Variants in BAG3 observed in about 807,000 individuals in gnomAD.
The protein encoded by BAG3 is BAG family molecular chaperone regulator 3.
In BAG3, 14 loss-of-function variants were observed where a neutral mutation model predicts 40.5. That is an observed-to-expected ratio of 0.35 (90% CI 0.23 to 0.54). The LOEUF is 0.54. BAG3 is among the 20% of genes least tolerant of loss of function. The pLI, the probability that BAG3 is intolerant of heterozygous loss-of-function variation, is 0.91. For missense variants in BAG3, 788 were observed against 758.6 expected (o/e 1.04, Z -0.46); for synonymous variants, 302 against 307.8 (o/e 0.98, Z 0.20).
intron 1 of BAG3, among the ~76,000 whole-genome samples, chr10:119,652,360 C>T (rs1045917383): frequency 1.3e-5 from 2 of 152,244 alleles, no homozygotes; most frequent in Admixed American, 6.5e-5. Flanking sequence ...CGCTCAAGTT[C>T]TCCAACTTGG....
chr10:119,658,068 A>G (rs1004101864), intron 1 of BAG3, among the ~76,000 whole-genome samples: 1 of 152,260 alleles, frequency 6.6e-6, no homozygotes, highest in African/African-American at 2.4e-5. Context: ...AAAATTCCTT[A>G]GCATTCAATT....
rs764432849 is a variant in BAG3, at chr10:119,676,612, A to C, written c.1058A>C (p.Gln353Pro). Residue 353 changes from glutamine to proline, a missense_variant, in exon 4 of 4, where the codon CAG becomes CCG. Transcript: ENST00000369085. The part of the protein sequence containing the change: ...RKEVDSKPVS[Q>P]KPPPPSEKVE... ...GAGGTGGATTCTAAACCTGTTTCCC[A>C]GAAGCCCCCACCTCCCTCTGAGAAG... 7.4e-6 allele frequency: 12 copies of C among 1,614,142 alleles called. 1 individual carries two copies. In the South Asian group the frequency reaches 1.3e-4, roughly 18 times the overall value.
At chr10:119,662,226 GTT>G (rs869230141) in intron 1 of BAG3, among the ~76,000 whole-genome samples, 1 of 84,058 alleles carries the variant, frequency 1.2e-5, no homozygotes. Context: ...TTTTTTTTTT[GTT>G]TTTTTTTTTT....
intron 1 of BAG3, among the ~76,000 whole-genome samples, chr10:119,661,272 A>G (rs974256985): frequency 1.3e-5 from 2 of 152,182 alleles, no homozygotes; most frequent in Non-Finnish European, 2.9e-5. Context: ...AAAAAAAGAA[A>G]GAAAGAAAGA....
intron 2 of BAG3, among the ~76,000 whole-genome samples, chr10:119,670,629 G>A (rs1367836003): frequency 2.0e-5 from 3 of 152,110 alleles, no homozygotes; most frequent in African/African-American, 4.8e-5. Flanking sequence ...AATCTTAACC[G>A]CTTGTGGAGC....
intron 1 of BAG3, among the ~76,000 whole-genome samples, chr10:119,658,332 T>C (rs950905735): frequency 6.6e-6 from 1 of 152,240 alleles, no homozygotes; most frequent in Admixed American, 6.5e-5. Context: ...TTAGCACTCC[T>C]TCCTGGGTTG....
intron 1 of BAG3, among the ~76,000 whole-genome samples, chr10:119,667,224 G>C (rs575951027): frequency 2.0e-5 from 3 of 152,176 alleles, no homozygotes; most frequent in Non-Finnish European, 4.4e-5. Flanking sequence ...TGATCTGCCC[G>C]CCTTAGCCTC....
rs778320288 is a variant in BAG3, at chr10:119,671,495, C to T, written c.508-760C>T. Among the ~76,000 whole-genome samples, 3 of 152,118 alleles carry T rather than the reference C, an allele frequency of 2.0e-5. No homozygotes were observed. In the East Asian group the frequency reaches 5.8e-4, roughly 29 times the overall value. ...GGTGCTTGACCTGCCTTGGGCCACA[C>T]GGGATGCTGGCAGCTCCCAGTTGCT... On this transcript the variant is annotated intron_variant, in intron 2 of 3. Coordinates refer to ENST00000369085, the MANE Select transcript of BAG3 (RefSeq NM_004281.4).
At chr10:119,671,729 G>C (rs749893887) in intron 2 of BAG3, among the ~76,000 whole-genome samples, 1 of 152,142 alleles carries the variant, frequency 6.6e-6, no homozygotes, top group Non-Finnish European at 1.5e-5. Context: ...TTGAACATAG[G>C]CCCCTTGATT....
At position 119,677,315 on chromosome 10, in the gene BAG3, A is replaced by T. The variant is rs761381704; in HGVS notation, c.*33A>T. On this transcript the variant is annotated 3_prime_UTR_variant, in exon 4 of 4. Coordinates refer to ENST00000369085, the MANE Select transcript of BAG3 (RefSeq NM_004281.4). ...CCTGTAAAAATCAGACTCGGAACCG[A>T]TGTGTGCTTTAGGGAATTTTAAGTT... is the stretch of plus-strand genomic sequence containing the variant. The T allele has an allele frequency of 1.2e-6, 2 of 1,611,970 alleles. No individual in the cohort carries two copies. Among genetic ancestry groups the T allele is most frequent in the Non-Finnish European group, 1.7e-6 (2 of 1,179,188 alleles).
chr10:119,676,478 T>C lies in BAG3; in HGVS notation c.924T>C (p.His308=). The change falls in exon 4 of 4, where the codon CAT becomes CAC. Residue 308 remains histidine (H), a synonymous_variant. Transcript: ENST00000369085. ...VVDRPQQPMT[H]RETAPVSQPE... The stretch of plus-strand genomic sequence containing the variant: ...CCTTTTTTCAGCAGCCCATGACCCA[T>C]CGAGAAACTGCACCTGTTTCCCAGC... 1 of 1,613,994 alleles carries C rather than the reference T, an allele frequency of 6.2e-7. No individual in the cohort carries two copies. The highest frequency in any genetic ancestry group is 8.5e-7 in the Non-Finnish European group (1 of 1,180,002).
At chr10:119,670,253 G>A (rs1223788361) in intron 2 of BAG3, 76 bp downstream of exon 2, 4 of 1,466,576 alleles carry the variant, frequency 2.7e-6, no homozygotes, top group Non-Finnish European at 2.7e-6. Context: ...ATCCCCTCAG[G>A]ACAGTGCCCT....
intron 3 of BAG3, among the ~76,000 whole-genome samples, chr10:119,675,761 T>TCCTTCCC (rs1847209635): frequency 4.3e-4 from 35 of 81,286 alleles, no homozygotes; most frequent in South Asian, 1.7e-3. Flanking sequence ...CTTTCCTTCC[T>TCCTTCCC]TCCTTCCCTC....
Position 119,677,247 on chromosome 10 carries a change from A to G in BAG3, c.1693A>G (p.Met565Val), listed in dbSNP as rs756485989. 4.3e-6 allele frequency: 7 copies of G among 1,614,052 alleles called. No individual in the cohort carries two copies. The highest frequency in any genetic ancestry group is 1.1e-5 in the South Asian group (1 of 91,086). ...TAAATSNPSSMTDTPGNPAAP is the reference protein window; with the variant it reads ...TAAATSNPSSVTDTPGNPAAP ...AGCAGCGACTTCAAACCCCAGCAGC[A>G]TGACAGACACCCCTGGTAACCCAGC... Residue 565 changes from methionine (M) to valine (V), a missense_variant, in exon 4 of 4, where the codon ATG (methionine) becomes GTG (valine). Coordinates refer to ENST00000369085, the MANE Select transcript of BAG3 (RefSeq NM_004281.4).
chr10:119,677,417 C>T lies in BAG3; in HGVS notation c.*135C>T. On this transcript the variant is annotated 3_prime_UTR_variant, in exon 4 of 4. Transcript: ENST00000369085. ...TGCAGTAACTTGGGTGGAGGCAAAACACTAATAAAAGGGCTAAAAAGGAAA... is the reference window on the plus strand; with the variant it reads ...TGCAGTAACTTGGGTGGAGGCAAAATACTAATAAAAGGGCTAAAAAGGAAA... 1 of 1,056,922 alleles carries T rather than the reference C, an allele frequency of 9.5e-7. No homozygotes were observed. The highest frequency in any genetic ancestry group is 1.4e-6 in the Non-Finnish European group (1 of 699,050). 65.5% of individuals were successfully genotyped at this position (1,056,922 alleles called of 1,614,324 possible).
rs1833180351 is a variant in BAG3 at position 119,651,601 on chromosome 10, G to C, written c.-75G>C. 7 of 1,328,202 alleles carry C rather than the reference G, an allele frequency of 5.3e-6. No individual in the cohort carries two copies. The highest frequency in any genetic ancestry group is 5.8e-6 in the Non-Finnish European group (6 of 1,030,566). The allele number at this position is 1,328,202 out of a possible 1,614,324, so 82.3% of individuals were successfully genotyped here. Reference sequence around the variant, plus strand: ...CGGCGGCGGAGAGGGGCCCACGGCGGCGGCCCGGCCAGAGACTCGGCGCCC... The same window carrying C: ...CGGCGGCGGAGAGGGGCCCACGGCGCCGGCCCGGCCAGAGACTCGGCGCCC... On this transcript the variant is annotated 5_prime_UTR_variant, in exon 1 of 4. Coordinates refer to ENST00000369085, the MANE Select transcript of BAG3 (RefSeq NM_004281.4).
At chr10:119,670,233 G>A in intron 2 of BAG3, 56 bp downstream of exon 2, 2 of 1,551,922 alleles carry the variant, frequency 1.3e-6, no homozygotes, top group Admixed American at 1.9e-5. Context: ...GTGCTTCCCA[G>A]GCCGGGCCCA....
chr10:119,671,978 G>C (rs1847156061), intron 2 of BAG3, among the ~76,000 whole-genome samples: 1 of 152,214 alleles, frequency 6.6e-6, no homozygotes, highest in East Asian at 1.9e-4. Context: ...TGGTAGAGAT[G>C]GGGTTTCACC....
In BAG3 at chr10:119,672,323, C is replaced by G. The variant is rs1384999606; in HGVS notation, c.576C>G (p.Gly192=). The G allele has an allele frequency of 1.2e-6, 2 of 1,614,084 alleles. No homozygotes were observed. The highest frequency in any genetic ancestry group is 1.7e-6 in the Non-Finnish European group (2 of 1,180,022). ...SSSSASLPSS[G]RSSLGSHQLP... is the part of the protein sequence containing the mutation. The stretch of plus-strand genomic sequence containing the variant: ...CCTCGGCCAGCCTGCCTTCCTCCGG[C>G]AGGAGCAGCCTGGGCAGTCACCAGC... Residue 192 remains glycine (G), a synonymous_variant, in exon 3 of 4, where the codon GGC becomes GGG. Coordinates refer to ENST00000369085, the MANE Select transcript of BAG3 (RefSeq NM_004281.4). This position sits in a 1 kb window ranked among gnomAD's most constrained non-coding sequence, Gnocchi z 4.8.
Sources: gnomAD v4.1 joint callset for allele counts (sites outside exome capture counted in the v4.1 genomes callset) on GRCh38, gnomAD v4.1.1 for gene constraint, Gnocchi (gnomAD v3.1) non-coding constraint, MANE v1.5 for transcripts, NCBI Gene and HGNC (gene_info 2026-07-23, HGNC 2026-07-21) for gene names.